Variants in GABRA6 observed in about 807,000 individuals in gnomAD.
The protein encoded by GABRA6 is gamma-aminobutyric acid type A receptor subunit alpha6.
GABRA6 carries 45 observed loss-of-function variants against 47.3 expected under a neutral mutation model. The ratio of observed to expected loss-of-function variants is 0.95; its 90% CI spans 0.75 to 1.22. GABRA6 has a LOEUF of 1.22. Among genes scored for constraint, GABRA6 ranks in the 50% most tolerant of loss-of-function variants. The pLI is 0.00. For missense variants in GABRA6, 583 were observed against 549.3 expected, an observed-to-expected ratio of 1.06 and a Z score of -0.61; for synonymous variants, 219 against 194.7, an observed-to-expected ratio of 1.12 and a Z score of -1.04.
At position 161,689,095 on chromosome 5, in the gene GABRA6, C is replaced by T; in HGVS notation, c.372C>T (p.Ser124=). The part of the protein sequence containing the change: ...PDTFFRNGKK[S]IAHNMTTPNK... The stretch of plus-strand genomic sequence containing the variant: ...CCTTTTTCAGAAATGGTAAAAAGTC[C>T]ATTGCTCACAACATGACAACTCCTA... Residue 124 remains serine, a synonymous_variant, in exon 4 of 9, where the codon TCC becomes TCT. Transcript: ENST00000274545. 6.2e-7 allele frequency: 1 copy of T among 1,613,968 alleles called. No homozygotes were observed. The highest frequency in any genetic ancestry group is 2.2e-5 in the East Asian group (1 of 44,866).
chr5:161,692,192 A>G lies in GABRA6; in HGVS notation c.1078A>G (p.Ile360Val). The G allele has an allele frequency of 6.2e-7, 1 of 1,614,196 alleles. No individual in the cohort carries two copies. Among genetic ancestry groups the G allele is most frequent in the Non-Finnish European group, 8.5e-7 (1 of 1,180,028 alleles). Residue 360 changes from isoleucine (I) to valine (V), a missense_variant, in exon 8 of 9, where the codon ATT becomes GTT. Coordinates refer to ENST00000274545, the MANE Select transcript of GABRA6 (RefSeq NM_000811.3). ...AGCTACTGAACCTTTGGAAGCTGAG[A>G]TTGTTTTGGTAATTGTTTACTTTTT... ...SKATEPLEAE[I>V]VLHPDSKYHL...
intron 6 of GABRA6, 165 bp from the exon 7 acceptor site, chr5:161,690,036 G>A (rs1038568153): frequency 1.1e-5 from 8 of 716,642 alleles, no homozygotes; most frequent in East Asian, 2.7e-5. Flanking sequence ...GTGTCTCTTC[G>A]CTCTATCATC....
intron 1 of GABRA6, 23 bp from the exon 2 acceptor site, chr5:161,686,207 G>C: frequency 6.4e-7 from 1 of 1,555,164 alleles, no homozygotes; most frequent in South Asian, 1.1e-5. Flanking sequence ...TGGGAGTAAG[G>C]ATCATTGACT....
intron 3 of GABRA6, chr5:161,687,448 T>C (rs1754720414): frequency 2.2e-6 from 1 of 445,896 alleles, no homozygotes; most frequent in African/African-American, 2.0e-5. Context: ...AGTAAAGAGG[T>C]CATTTGGAAA....
Position 161,686,005 on chromosome 5 carries a change from C to T in GABRA6, c.16C>T (p.Pro6Ser). 6.2e-7 allele frequency: 1 copy of T among 1,613,852 alleles called. No homozygotes were observed. The highest frequency in any genetic ancestry group is 8.5e-7 in the Non-Finnish European group (1 of 1,179,784). Residue 6 changes from proline (P) to serine (S), a missense_variant, in exon 1 of 9, where the codon CCC (proline) becomes TCC (serine). Transcript: ENST00000274545. The part of the protein sequence containing the change: MASSL[P>S]WLCIILWLEN... The stretch of plus-strand genomic sequence containing the variant: ...GCACTGCAGGATGGCGTCGTCTCTG[C>T]CCTGGCTGTGCATTATTCTGTGGTG...
chr5:161,691,920 T>C, intron 7 of GABRA6, 21 bp from the exon 8 acceptor site: 1 of 1,608,654 alleles, frequency 6.2e-7, no homozygotes, highest in Non-Finnish European at 8.5e-7. Flanking sequence ...ATATTACAAT[T>C]CCTATTCTTT....
chr5:161,699,765 A>G (rs1754946673), intron 8 of GABRA6, among the ~76,000 whole-genome samples: 2 of 151,924 alleles, frequency 1.3e-5, no homozygotes, highest in African/African-American at 4.8e-5. Context: ...CAGCCCATCT[A>G]TTTTTAATAG....
chr5:161,687,902 G>T (rs984602634), intron 3 of GABRA6, among the ~76,000 whole-genome samples: 5 of 151,760 alleles, frequency 3.3e-5, no homozygotes, highest in African/African-American at 9.7e-5. Context: ...GGGAGGAAGG[G>T]CTTTATTCAA....
At chr5:161,689,560 G>T (rs147538095) in intron 5 of GABRA6, 76 bp from the exon 6 acceptor site, 2 of 1,320,192 alleles carry the variant, frequency 1.5e-6, no homozygotes, top group Admixed American at 3.8e-5. Flanking sequence ...CTTTTTTATA[G>T]ACAATGTGCA....
intron 4 of GABRA6, 24 bp downstream of exon 4, chr5:161,689,193 C>T (rs768877958): frequency 6.2e-7 from 1 of 1,611,444 alleles, no homozygotes; most frequent in South Asian, 1.1e-5. Context: ...AATTCTATTT[C>T]CCCTGCCTAA....
chr5:161,697,766 AG>A (rs1177135782), intron 8 of GABRA6, among the ~76,000 whole-genome samples: 1 of 152,202 alleles, frequency 6.6e-6, no homozygotes, highest in East Asian at 1.9e-4. Context: ...TAAAGCTGAT[AG>A]GAAGAATAGC....
rs1353452535 is a variant in GABRA6, at chr5:161,701,773, G to A, written c.1362G>A (p.Ter454=). Residue 454 remains the stop codon, a stop_retained_variant, in exon 9 of 9, where the codon TAG becomes TAA. Coordinates refer to ENST00000274545, the MANE Select transcript of GABRA6 (RefSeq NM_000811.3). ...DTMEVSSSVE[*] The stretch of plus-strand genomic sequence containing the variant: ...TGGAAGTCAGTAGCAGTGTTGAATA[G>A]CTTGCGGCCAGGACAACCTGAATTC... 14 of 1,613,944 alleles carry A rather than the reference G, an allele frequency of 8.7e-6. No individual in the cohort carries two copies. The Admixed American group carries it at 1.7e-4, about 19-fold the overall frequency.
intron 8 of GABRA6, among the ~76,000 whole-genome samples, chr5:161,698,912 C>T (rs1297688367): frequency 1.3e-5 from 2 of 151,916 alleles, no homozygotes; most frequent in Admixed American, 6.6e-5. Flanking sequence ...ATTACAGTAT[C>T]CATTTTACTA....
chr5:161,694,545 T>G (rs962350675), intron 8 of GABRA6, among the ~76,000 whole-genome samples: 5 of 152,102 alleles, frequency 3.3e-5, no homozygotes, highest in African/African-American at 1.2e-4. Flanking sequence ...CAGGTTTTGA[T>G]ATAAACTGTC....
Position 161,701,741 on chromosome 5 carries a change from G to T in GABRA6, c.1330G>T (p.Asp444Tyr), listed in dbSNP as rs780694809. 1.9e-6 allele frequency: 3 copies of T among 1,614,180 alleles called. No homozygotes were observed. The highest frequency in any genetic ancestry group is 2.2e-5 in the South Asian group (2 of 91,084). The change falls in exon 9 of 9, where the codon GAT becomes TAT. Residue 444 changes from aspartate to tyrosine, a missense_variant. Coordinates refer to ENST00000274545, the MANE Select transcript of GABRA6 (RefSeq NM_000811.3). Reference sequence around the variant, plus strand: ...GTACTGGGTAGTTTATCTTTCCAAAGATACAATGGAAGTCAGTAGCAGTGT... The same window carrying T: ...GTACTGGGTAGTTTATCTTTCCAAATATACAATGGAAGTCAGTAGCAGTGT... The part of the protein sequence containing the change: ...LVYWVVYLSK[D>Y]TMEVSSSVE
At chr5:161,699,345 G>A (rs142094363) in intron 8 of GABRA6, among the ~76,000 whole-genome samples, 7 of 152,166 alleles carry the variant, frequency 4.6e-5, no homozygotes, top group Non-Finnish European at 7.4e-5. Flanking sequence ...TCTTTTTAGA[G>A]GGTGAAACAG....
chr5:161,690,303 A>C lies in GABRA6; in HGVS notation c.776A>C (p.Gln259Pro), dbSNP rs1754770151. Residue 259 changes from glutamine to proline, a missense_variant, in exon 7 of 9, where the codon CAG becomes CCG. Coordinates refer to ENST00000274545, the MANE Select transcript of GABRA6 (RefSeq NM_000811.3). The stretch of plus-strand genomic sequence containing the variant: ...TGCATTATGACAGTCATTCTTTCCC[A>C]GGTGTCTTTCTGGATTAATAAGGAG... Reference protein sequence around the residue: ...TPCIMTVILSQVSFWINKESV... With the variant: ...TPCIMTVILSPVSFWINKESV... 6.2e-7 allele frequency: 1 copy of C among 1,613,560 alleles called. No individual in the cohort carries two copies. Among genetic ancestry groups the C allele is most frequent in the Non-Finnish European group, 8.5e-7 (1 of 1,179,698 alleles).
chr5:161,692,304 G>T, intron 8 of GABRA6, 104 bp downstream of exon 8: 1 of 1,367,614 alleles, frequency 7.3e-7, no homozygotes, highest in South Asian at 1.2e-5. Flanking sequence ...TTGAGCACAG[G>T]TTATATAACT....
intron 8 of GABRA6, among the ~76,000 whole-genome samples, chr5:161,696,824 A>G (rs1754895954): frequency 6.6e-6 from 1 of 152,160 alleles, no homozygotes; most frequent in South Asian, 2.1e-4. Context: ...TTTGCAAACT[A>G]TCAATACTGT....
Sources: allele counts gnomAD v4.1 joint callset (sites outside exome capture counted in the v4.1 genomes callset), GRCh38; gene constraint gnomAD v4.1.1; transcripts MANE v1.5; gene names NCBI Gene and HGNC (gene_info 2026-07-23, HGNC 2026-07-21).